The following NDUFB8 variants were observed in gnomAD, a reference collection of about 807,000 sequenced individuals.
NDUFB8 encodes the protein NADH dehydrogenase [ubiquinone] 1 beta subcomplex subunit 8, mitochondrial.
Under a neutral mutation model 26.0 loss-of-function variants are expected in NDUFB8, and 17 were observed. That is an observed-to-expected ratio of 0.65 (90% CI 0.45 to 0.98). The LOEUF is 0.98. Ranked by LOEUF, NDUFB8 falls within the 50% of genes least tolerant of loss-of-function variation. The probability of loss-of-function intolerance (pLI) is 0.00; values close to 1 mark genes in which losing one functional copy is unlikely to be tolerated. For missense variants in NDUFB8, 238 were observed against 255.0 expected (o/e 0.93, Z 0.45); for synonymous variants, 89 against 93.1 (o/e 0.96, Z 0.25).
At chr10:100,526,641 C>A (rs2133711137) in intron 3 of NDUFB8, 87 bp from the exon 4 acceptor site, 1 of 1,500,612 alleles carries the variant, frequency 6.7e-7, no homozygotes, top group East Asian at 2.3e-5. Flanking sequence ...TGATACAAGG[C>A]TAGACAGAAG....
At chr10:100,526,938 G>A (rs773543269) in intron 3 of NDUFB8, 37 bp downstream of exon 3, 2 of 1,586,734 alleles carry the variant, frequency 1.3e-6, no homozygotes, top group African/African-American at 1.3e-5. Context: ...AGAAGACAAA[G>A]AGAGAAGGAA....
chr10:100,525,647 TG>T (rs1330400071), intron 4 of NDUFB8, among the ~76,000 whole-genome samples: 1 of 139,686 alleles, frequency 7.2e-6, no homozygotes, highest in Admixed American at 7.1e-5. Context: ...TGTGTGTGTG[TG>T]TGTGTGTGTG....
chr10:100,525,919 C>T (rs1398210876), intron 4 of NDUFB8: 1 of 153,500 alleles, frequency 6.5e-6, no homozygotes, highest in Non-Finnish European at 1.4e-5. Context: ...AACTAAACTT[C>T]CTTAAAGCTA....
At position 100,529,841 on chromosome 10, in the gene NDUFB8, G is replaced by GC; in HGVS notation, c.10dup (p.Ala4GlyfsTer40). The GC allele has an allele frequency of 6.2e-7, 1 of 1,605,178 alleles. No individual in the cohort carries two copies. The highest frequency in any genetic ancestry group is 2.3e-5 in the East Asian group (1 of 44,212). ...CTGGACTCCCAAGACCCCGGCCCTGGCCACCGCCATCTTCACCTTCTTCAC... is the reference window on the plus strand; with the variant it reads ...CTGGACTCCCAAGACCCCGGCCCTGGCCCACCGCCATCTTCACCTTCTTCAC... On this transcript the variant is annotated frameshift_variant, in exon 1 of 5. Transcript: ENST00000299166. LOFTEE classifies it high-confidence loss of function.
chr10:100,529,419 C>T lies in NDUFB8; in HGVS notation c.173G>A (p.Arg58His). 1 of 1,612,906 alleles carries T rather than the reference C, an allele frequency of 6.2e-7. No individual in the cohort carries two copies. The change falls in exon 2 of 5, where the codon CGT becomes CAT. Residue 58 changes from arginine (R) to histidine (H), a missense_variant. By Grantham distance (29) the Arg-to-His change is conservative. Coordinates refer to ENST00000299166, the MANE Select transcript of NDUFB8 (RefSeq NM_005004.4). ...RAAAAKKYNMRVEDYEPYPDD... is the reference protein window; with the variant it reads ...RAAAAKKYNMHVEDYEPYPDD... ...CGGGTAAGGTTCGTAGTCTTCCACA[C>T]GCATATTATACTTCTTGGCGGCGGC...
At chr10:100,529,888 A>C (rs998892558), upstream of NDUFB8, 29 of 1,606,096 alleles carry the variant, frequency 1.8e-5, no homozygotes, top group Admixed American at 4.4e-4. Flanking sequence ...GCACATGCGC[A>C]AAGGCCTGTC....
At position 100,527,089 on chromosome 10, in the gene NDUFB8, G is replaced by A; in HGVS notation, c.213-15C>T. On this transcript the variant is annotated splice_polypyrimidine_tract_variant and intron_variant, in intron 2 of 4. Transcript: ENST00000299166. ...AGTCGCCATACCTGAAAGACAGCAA[G>A]AACTTCTGGAAAGGGCTGTGAGCAG... 1 of 1,609,310 alleles carries A rather than the reference G, an allele frequency of 6.2e-7. No individual in the cohort carries two copies. Among genetic ancestry groups the A allele is most frequent in the Non-Finnish European group, 8.5e-7 (1 of 1,175,838 alleles).
chr10:100,526,218 G>A, intron 4 of NDUFB8, 181 bp downstream of exon 4: 3 of 580,162 alleles, frequency 5.2e-6, no homozygotes, highest in Non-Finnish European at 8.5e-6. Flanking sequence ...AAGAAGTAGG[G>A]GTGGAGAAGT....
In NDUFB8 at chr10:100,526,727, CTG is replaced by C. The variant is rs1251482975; in HGVS notation, c.313-175_313-174del. The C allele has an allele frequency of 3.6e-6, 3 of 836,582 alleles. No individual in the cohort carries two copies. The African/African-American group carries it at 5.2e-5, about 14-fold the overall frequency. 51.8% of individuals were successfully genotyped at this position (836,582 alleles called of 1,614,324 possible). A position where few individuals can be genotyped will look rare whatever the true frequency, so the allele number is the denominator to read the frequency against. On this transcript the variant is annotated intron_variant, in intron 3 of 4. Coordinates refer to ENST00000299166, the MANE Select transcript of NDUFB8 (RefSeq NM_005004.4). Reference sequence around the variant, plus strand: ...GCCCTACAGGATTAGATGCTGGCCTCTGTCTAGGTTCTGCTGAATAGGGACAG... The same window carrying C: ...GCCCTACAGGATTAGATGCTGGCCTCTCTAGGTTCTGCTGAATAGGGACAG...
intron 4 of NDUFB8, 136 bp downstream of exon 4, chr10:100,526,263 C>T: frequency 9.8e-7 from 1 of 1,022,182 alleles, no homozygotes; most frequent in Non-Finnish European, 1.4e-6. Flanking sequence ...TGGGTCAAGG[C>T]CCTCCTATCT....
At chr10:100,529,260 A>T (rs1852104806) in intron 2 of NDUFB8, 120 bp downstream of exon 2, 6 of 535,770 alleles carry the variant, frequency 1.1e-5, no homozygotes, top group Non-Finnish European at 1.4e-5. Flanking sequence ...AAAAGCACCC[A>T]CTCCATTGAC....
At chr10:100,526,751 A>T in intron 3 of NDUFB8, 197 bp from the exon 4 acceptor site, 1 of 756,078 alleles carries the variant, frequency 1.3e-6, no homozygotes, top group Non-Finnish European at 2.1e-6. Flanking sequence ...CTGAATAGGG[A>T]CAGCTCCATC....
At chr10:100,525,615 C>CGTGTGTGTGTGTGTGT (rs56705301) in intron 4 of NDUFB8, among the ~76,000 whole-genome samples, 2 of 100,116 alleles carry the variant, frequency 2.0e-5, no homozygotes, top group African/African-American at 7.6e-5. Context: ...CCACCCAAAG[C>CGTGTGTGTGTGTGTGT]GTGTGTGTGT....
Position 100,523,919 on chromosome 10 carries a change from T to A in NDUFB8, c.479A>T (p.Gln160Leu). 6.2e-7 allele frequency: 1 copy of A among 1,614,182 alleles called. No homozygotes were observed. The highest frequency in any genetic ancestry group is 8.5e-7 in the Non-Finnish European group (1 of 1,180,028). ...YPVYQPVGPKQYPYNNLYLER... is the reference protein window; with the variant it reads ...YPVYQPVGPKLYPYNNLYLER... ...CAGGTACAGATTATTGTAAGGATAC[T>A]GCTTTGGTCCCTACAGAAAAAAACA... is the stretch of plus-strand genomic sequence containing the variant. The change falls in exon 5 of 5, where the codon CAG becomes CTG. Residue 160 changes from glutamine to leucine, a missense_variant. Physicochemically the swap from Gln to Leu is moderately radical, Grantham distance 113. Transcript: ENST00000299166.
chr10:100,529,173 G>T, intron 2 of NDUFB8: 1 of 396,176 alleles, frequency 2.5e-6, no homozygotes, highest in Non-Finnish European at 4.4e-6. Flanking sequence ...TGAGGAAACA[G>T]CCTGAGCCAA....
downstream of NDUFB8, chr10:100,523,732 G>C: frequency 9.3e-7 from 1 of 1,072,662 alleles, no homozygotes; most frequent in South Asian, 1.5e-5. Flanking sequence ...GGGGAAATGA[G>C]GCACAAATAA....
intron 2 of NDUFB8, among the ~76,000 whole-genome samples, chr10:100,528,001 G>T (rs911072408): frequency 2.0e-4 from 31 of 152,276 alleles, no homozygotes; most frequent in African/African-American, 7.5e-4. Context: ...TGTATTTTTA[G>T]CAGAGACAGG....
rs1852007504 is a variant in NDUFB8 at position 100,524,256 on chromosome 10, C to CT, written c.469-328dup. ...GAGTGTGTTAGAGTCAGAGGCAACACTTTCTAAATGAGACGATGCATCCAT... is the reference window on the plus strand; with the variant it reads ...GAGTGTGTTAGAGTCAGAGGCAACACTTTTCTAAATGAGACGATGCATCCAT... On this transcript the variant is annotated intron_variant, in intron 4 of 4. Coordinates refer to ENST00000299166, the MANE Select transcript of NDUFB8 (RefSeq NM_005004.4). The surrounding 1 kb of genome is among the most constrained non-coding windows in gnomAD (Gnocchi z 4.0). 10 of 907,968 alleles carry CT rather than the reference C, an allele frequency of 1.1e-5. No individual in the cohort carries two copies. The highest frequency in any genetic ancestry group is 1.8e-5 in the Non-Finnish European group (10 of 571,390). The allele number at this position is 907,968 out of a possible 1,614,324, so 56.2% of individuals were successfully genotyped here. A position where few individuals can be genotyped will look rare whatever the true frequency, so the allele number is the denominator to read the frequency against.
chr10:100,526,636 C>T, intron 3 of NDUFB8, 82 bp from the exon 4 acceptor site: 3 of 1,495,124 alleles, frequency 2.0e-6, no homozygotes, highest in South Asian at 1.2e-5. Context: ...GAGCCTGATA[C>T]AAGGCTAGAC....
Sources: allele counts gnomAD v4.1 joint callset (sites outside exome capture counted in the v4.1 genomes callset), GRCh38; gene constraint gnomAD v4.1.1; non-coding constraint Gnocchi (gnomAD v3.1); transcripts MANE v1.5; gene names NCBI Gene and HGNC (gene_info 2026-07-23, HGNC 2026-07-21).